The following HTR1F variants were observed in gnomAD, a reference collection of about 807,000 sequenced individuals.
HTR1F encodes 5-hydroxytryptamine (serotonin) receptor 1F, G protein-coupled.
HTR1F carries 17 observed loss-of-function variants against 24.0 expected under a neutral mutation model. The ratio of observed to expected loss-of-function variants is 0.71; its 90% CI spans 0.48 to 1.06. HTR1F has a LOEUF of 1.06. HTR1F is among the 50% of genes least tolerant of loss of function. HTR1F has a pLI of 0.00. For synonymous variants in HTR1F, 186 were observed against 156.8 expected (o/e 1.19, Z -1.39); for missense variants, 391 against 427.8 (o/e 0.91, Z 0.76).
rs143503746 is a variant in HTR1F, at chr3:87,809,780, G to T, written c.-159-12228G>T. On this transcript the variant is annotated intron_variant, in intron 1 of 2. Coordinates refer to ENST00000319595, the MANE Select transcript of HTR1F (RefSeq NM_001322209.2). ...GGCACTTAAAAACACATGATTGTCC[G>T]ATCTTTCTATGTGAAATTTACTTTA... Among the ~76,000 whole-genome samples, 586 of 152,034 alleles carry T rather than the reference G, an allele frequency of 3.9e-3. 6 individuals carry two copies. Among genetic ancestry groups the T allele is most frequent in the African/African-American group, 0.014 (564 of 41,510 alleles).
At position 87,948,747 on chromosome 3, in the gene HTR1F, G is replaced by T. The variant is rs6551258; in HGVS notation, c.-42-41961G>T. On this transcript the variant is annotated intron_variant, in intron 2 of 2. Transcript: ENST00000319595. Reference sequence around the variant, plus strand: ...TTGCCCACCTTGGCCTCCCAGCTTTGGGACTCCAGGCATGAGCCATCGTGC... The same window carrying T: ...TTGCCCACCTTGGCCTCCCAGCTTTTGGACTCCAGGCATGAGCCATCGTGC... 1.8e-3 allele frequency among the ~76,000 whole-genome samples: 279 copies of T among 152,056 alleles called. 1 individual carries two copies. The highest frequency in any genetic ancestry group is 3.4e-3 in the Non-Finnish European group (232 of 67,984).
intron 2 of HTR1F, among the ~76,000 whole-genome samples, chr3:87,851,960 T>C (rs1406949691): frequency 1.5e-4 from 19 of 129,386 alleles, no homozygotes; most frequent in Admixed American, 1.1e-3. Context: ...AAATATAACA[T>C]CCAAGCCAAA....
At chr3:87,811,583 G>A (rs1430794975) in intron 1 of HTR1F, among the ~76,000 whole-genome samples, 2 of 152,110 alleles carry the variant, frequency 1.3e-5, no homozygotes, top group Non-Finnish European at 2.9e-5. Context: ...AAATGAAAGT[G>A]TTTTGACTAG....
chr3:87,834,552 A>G (rs1053107658), intron 2 of HTR1F, among the ~76,000 whole-genome samples: 2 of 152,062 alleles, frequency 1.3e-5, no homozygotes, highest in Non-Finnish European at 2.9e-5. Flanking sequence ...ATACAAATCC[A>G]TGTCTTTTGA....
intron 2 of HTR1F, among the ~76,000 whole-genome samples, chr3:87,906,117 G>T (rs2107337702): frequency 6.6e-6 from 1 of 152,180 alleles, no homozygotes; most frequent in South Asian, 2.1e-4. Flanking sequence ...ACGCTAAATT[G>T]TCACTTGGGA....
rs1368567819 is a variant in HTR1F, at chr3:87,872,367, A to T, written c.-43+50243A>T. ...GCAAGCTTCTTGTTACTATGCAAGTAAGAAGAAAATAAGAACAAACTAAAC... is the reference window on the plus strand; with the variant it reads ...GCAAGCTTCTTGTTACTATGCAAGTTAGAAGAAAATAAGAACAAACTAAAC... On this transcript the variant is annotated intron_variant, in intron 2 of 2. Transcript: ENST00000319595. Among the ~76,000 whole-genome samples, 10 of 152,204 alleles carry T rather than the reference A, an allele frequency of 6.6e-5. No homozygotes were observed. The East Asian group carries it at 1.9e-3, about 29-fold the overall frequency.
intron 2 of HTR1F, among the ~76,000 whole-genome samples, chr3:87,866,975 A>C (rs928468747): frequency 1.1e-4 from 16 of 151,916 alleles, no homozygotes; most frequent in African/African-American, 3.9e-4. Flanking sequence ...CTGAAGTAAT[A>C]GCCAGCTTAG....
At chr3:87,922,615 C>A (rs1389889597) in intron 2 of HTR1F, among the ~76,000 whole-genome samples, 3 of 151,860 alleles carry the variant, frequency 2.0e-5, no homozygotes, top group Non-Finnish European at 4.4e-5. Context: ...TGTCCTGCAG[C>A]ATTTACTTTA....
At chr3:87,977,354 G>A (rs2107505201) in intron 2 of HTR1F, among the ~76,000 whole-genome samples, 1 of 146,354 alleles carries the variant, frequency 6.8e-6, no homozygotes, top group African/African-American at 2.5e-5. Flanking sequence ...CATAATGTTT[G>A]ACATTTATTT....
chr3:87,859,604 T>C (rs1705273871), intron 2 of HTR1F, among the ~76,000 whole-genome samples: 1 of 152,190 alleles, frequency 6.6e-6, no homozygotes, highest in Admixed American at 6.5e-5. Flanking sequence ...CTCAATGAAC[T>C]TAAAAAGCTG....
intron 2 of HTR1F, among the ~76,000 whole-genome samples, chr3:87,847,128 T>C (rs1397896059): frequency 2.0e-5 from 3 of 151,818 alleles, no homozygotes; most frequent in Non-Finnish European, 4.4e-5. Context: ...AATGTACAGT[T>C]TCACTAAAAA....
chr3:87,810,746 C>T lies in HTR1F; in HGVS notation c.-159-11262C>T, dbSNP rs1465583696. ...TCTTTTACTGGTGTATAAATTATTT[C>T]AATATGAACTCAGGTAGATGAGGAA... is the stretch of plus-strand genomic sequence containing the variant. On this transcript the variant is annotated intron_variant, in intron 1 of 2. Coordinates refer to ENST00000319595, the MANE Select transcript of HTR1F (RefSeq NM_001322209.2). Among the ~76,000 whole-genome samples, 2 of 152,196 alleles carry T rather than the reference C, an allele frequency of 1.3e-5. 1 individual carries two copies. The highest frequency in any genetic ancestry group is 4.1e-4 in the South Asian group (2 of 4,828).
intron 2 of HTR1F, among the ~76,000 whole-genome samples, chr3:87,946,188 G>A (rs1576074330): frequency 6.6e-6 from 1 of 152,196 alleles, no homozygotes; most frequent in Non-Finnish European, 1.5e-5. Context: ...GAGCACAGCG[G>A]ACACCCTGCC....
At chr3:87,818,797 C>T (rs77330397) in intron 1 of HTR1F, among the ~76,000 whole-genome samples, 13,646 of 152,176 alleles carry the variant, frequency 0.09, 789 homozygotes, top group East Asian at 0.21. Context: ...GCTTCTTTAA[C>T]TTTGCACCCT....
intron 2 of HTR1F, among the ~76,000 whole-genome samples, chr3:87,952,655 A>C (rs1704858878): frequency 6.6e-6 from 1 of 152,008 alleles, no homozygotes; most frequent in African/African-American, 2.4e-5. Flanking sequence ...TGCAATTTAC[A>C]CGCGTAATTT....
rs537443158 is a variant in HTR1F, at chr3:87,802,994, T to G, written c.-160+10152T>G. Reference sequence around the variant, plus strand: ...CAAGCCAAGGAGGACCCTTCAATCTTAGTAATTCTGGTTGAAATAAAAGCA... The same window carrying G: ...CAAGCCAAGGAGGACCCTTCAATCTGAGTAATTCTGGTTGAAATAAAAGCA... On this transcript the variant is annotated intron_variant, in intron 1 of 2. Coordinates refer to ENST00000319595, the MANE Select transcript of HTR1F (RefSeq NM_001322209.2). Among the ~76,000 whole-genome samples, 6 of 152,216 alleles carry G rather than the reference T, an allele frequency of 3.9e-5. No individual in the cohort carries two copies. The East Asian group carries it at 1.2e-3, about 29-fold the overall frequency.
In HTR1F at chr3:87,850,162, A is replaced by G. The variant is rs112048185; in HGVS notation, c.-43+28038A>G. Among the ~76,000 whole-genome samples the G allele has an allele frequency of 4.2e-4, 64 of 151,938 alleles. 3 individuals carry two copies. The highest frequency in any genetic ancestry group is 1.5e-3 in the African/African-American group (63 of 41,314). The stretch of plus-strand genomic sequence containing the variant: ...TGCTATAAAGACACATGCACACGTA[A>G]GTTTATTGAGGCACTATTCACAATA... On this transcript the variant is annotated intron_variant, in intron 2 of 2. Coordinates refer to ENST00000319595, the MANE Select transcript of HTR1F (RefSeq NM_001322209.2).
intron 2 of HTR1F, among the ~76,000 whole-genome samples, chr3:87,843,127 T>C (rs1299312854): frequency 6.6e-5 from 10 of 151,986 alleles, no homozygotes; most frequent in South Asian, 2.1e-4. Context: ...ACACATTTCC[T>C]ATAAGACATT....
At chr3:87,901,994 A>C (rs1327056338) in intron 2 of HTR1F, among the ~76,000 whole-genome samples, 2 of 152,138 alleles carry the variant, frequency 1.3e-5, no homozygotes, top group Non-Finnish European at 1.5e-5. Context: ...TTATAAATAT[A>C]TTAATTTTTA....
Sources: allele counts gnomAD v4.1 joint callset (sites outside exome capture counted in the v4.1 genomes callset), GRCh38; gene constraint gnomAD v4.1.1; transcripts MANE v1.5; gene names NCBI Gene and HGNC (gene_info 2026-07-23, HGNC 2026-07-21).